The following TBC1D5 variants were observed in gnomAD, a reference collection of about 807,000 sequenced individuals.
TBC1D5 encodes TBC1 domain family member 5.
A neutral mutation model predicts 100.3 loss-of-function variants in TBC1D5; 75 were observed. The ratio of observed to expected loss-of-function variants is 0.75; its 90% confidence interval spans 0.62 to 0.91. TBC1D5 has a LOEUF of 0.91. Among genes scored for constraint, TBC1D5 ranks in the 40% least tolerant of loss-of-function variants. TBC1D5 has a pLI of 0.00. For synonymous variants in TBC1D5, 323 were observed against 325.6 expected, an observed-to-expected ratio of 0.99 and a Z score of 0.09; for missense variants, 910 against 942.4, an observed-to-expected ratio of 0.97 and a Z score of 0.45.
intron 3 of TBC1D5, among the ~76,000 whole-genome samples, chr3:17,471,561 A>T (rs2095372547): frequency 6.8e-6 from 1 of 147,642 alleles, no homozygotes; most frequent in African/African-American, 2.6e-5. Context: ...CAGCATTTTA[A>T]AAAATCAAAA....
At chr3:17,533,076 C>CACAG (rs769656414) in intron 2 of TBC1D5, among the ~76,000 whole-genome samples, 1 of 45,456 alleles carries the variant, frequency 2.2e-5, no homozygotes, top group Non-Finnish European at 4.4e-5. Flanking sequence ...CATACACAGA[C>CACAG]ACACACACAC....
intron 13 of TBC1D5, among the ~76,000 whole-genome samples, chr3:17,353,560 A>G (rs1192009576): frequency 1.3e-5 from 2 of 152,110 alleles, no homozygotes; most frequent in Non-Finnish European, 2.9e-5. Context: ...TCATCTATAA[A>G]TATAGACTAA....
At chr3:17,598,600 T>C (rs1048478121) in intron 2 of TBC1D5, among the ~76,000 whole-genome samples, 6 of 152,282 alleles carry the variant, frequency 3.9e-5, no homozygotes, top group Admixed American at 3.3e-4. Context: ...TTCTTCAAAC[T>C]GCAAAAAGAA....
chr3:17,158,401 A>ATAAT (rs2065769494), exon 22 of TBC1D5: 1 of 152,182 alleles, frequency 6.6e-6, no homozygotes, highest in South Asian at 2.1e-4. Flanking sequence ...ATCTGATAAT[A>ATAAT]TAATAAAAAG....
chr3:17,262,208 T>C (rs554486456), intron 15 of TBC1D5, among the ~76,000 whole-genome samples: 5 of 152,330 alleles, frequency 3.3e-5, no homozygotes, highest in African/African-American at 1.2e-4. Context: ...CTAGGTTATA[T>C]GATACAGCTC....
chr3:17,284,124 G>GCACA lies in TBC1D5; in HGVS notation c.1245+7770_1245+7771insTGTG, dbSNP rs1491387531. ...CACACACACACACACACACACACAC[G>GCACA]TATTTTTAATTTAGACAGAGTCTTG... On this transcript the variant is annotated intron_variant, in intron 15 of 21. Transcript: ENST00000253692. 3.8e-3 allele frequency among the ~76,000 whole-genome samples: 516 copies of GCACA among 134,114 alleles called. 5 individuals are homozygous for GCACA. The highest frequency in any genetic ancestry group is 5.7e-3 in the Non-Finnish European group (363 of 63,924). 88.0% of individuals were successfully genotyped at this position (134,114 alleles called of 152,430 possible). A position where few individuals can be genotyped will look rare whatever the true frequency, so the allele number is the denominator to read the frequency against.
Position 17,570,008 on chromosome 3 carries a change from T to G in TBC1D5, c.-36+53841A>C, listed in dbSNP as rs200427743. On this transcript the variant is annotated intron_variant, in intron 2 of 21. Coordinates refer to ENST00000253692, the Ensembl canonical transcript of TBC1D5. ...TTAAAAGGTACATCAAAAGTGTTTT[T>G]TACAGGTACTAGAAAGTCAGAGGTT... Among the ~76,000 whole-genome samples, 10 of 151,990 alleles carry G rather than the reference T, an allele frequency of 6.6e-5. No individual in the cohort carries two copies. In the East Asian group the frequency reaches 1.9e-3, roughly 29 times the overall value.
chr3:17,353,624 A>G (rs529074303), intron 13 of TBC1D5, among the ~76,000 whole-genome samples: 1 of 152,156 alleles, frequency 6.6e-6, no homozygotes, highest in Non-Finnish European at 1.5e-5. Flanking sequence ...TCTTTACTCT[A>G]ATTTTTGTTT....
At chr3:17,424,665 C>T (rs948918748) in intron 4 of TBC1D5, among the ~76,000 whole-genome samples, 1 of 152,098 alleles carries the variant, frequency 6.6e-6, no homozygotes, top group Non-Finnish European at 1.5e-5. Context: ...TGGACTATTA[C>T]TCAAGCATCA....
chr3:17,313,229 T>A lies in TBC1D5; in HGVS notation c.996-5095A>T, dbSNP rs531198383. 7.2e-5 allele frequency among the ~76,000 whole-genome samples: 11 copies of A among 152,282 alleles called. No individual in the cohort carries two copies. The South Asian group carries it at 1.7e-3, about 23-fold the overall frequency. On this transcript the variant is annotated intron_variant, in intron 13 of 21. Coordinates refer to ENST00000253692, the Ensembl canonical transcript of TBC1D5. ...GAAGTAACCTCTCTACCCTATCACTTACTTGGGTTCCATCAAAAGTAAGCT... is the reference window on the plus strand; with the variant it reads ...GAAGTAACCTCTCTACCCTATCACTAACTTGGGTTCCATCAAAAGTAAGCT...
chr3:17,324,178 G>C (rs1256560602), intron 13 of TBC1D5, among the ~76,000 whole-genome samples: 1 of 152,158 alleles, frequency 6.6e-6, no homozygotes, highest in African/African-American at 2.4e-5. Flanking sequence ...ACTCAAAATG[G>C]ATAACAGGCC....
intron 4 of TBC1D5, among the ~76,000 whole-genome samples, chr3:17,413,510 A>G (rs1315132818): frequency 6.6e-6 from 1 of 151,956 alleles, no homozygotes; most frequent in East Asian, 1.9e-4. Flanking sequence ...GAGATTATCT[A>G]TTTGTAATTA....
At chr3:17,719,745 T>G (rs2075539835) in intron 1 of TBC1D5, among the ~76,000 whole-genome samples, 1 of 152,180 alleles carries the variant, frequency 6.6e-6, no homozygotes, top group Non-Finnish European at 1.5e-5. Context: ...CCTATAATTT[T>G]TCACATAGTA....
chr3:17,705,391 G>C (rs1168955267), intron 1 of TBC1D5, among the ~76,000 whole-genome samples: 1 of 137,852 alleles, frequency 7.3e-6, no homozygotes, highest in Non-Finnish European at 1.6e-5. Context: ...GCCGGGCGGA[G>C]ATGCTCCTCA....
At chr3:17,521,667 A>C (rs761999030) in intron 2 of TBC1D5, among the ~76,000 whole-genome samples, 1 of 152,094 alleles carries the variant, frequency 6.6e-6, no homozygotes, top group Non-Finnish European at 1.5e-5. Flanking sequence ...TGGGGGGGGA[A>C]ATCCAAAGAA....
intron 15 of TBC1D5, among the ~76,000 whole-genome samples, chr3:17,269,831 C>A (rs974782817): frequency 1.3e-5 from 2 of 152,054 alleles, no homozygotes; most frequent in African/African-American, 4.8e-5. Context: ...AGTTTCATTC[C>A]TTTTTATGGC....
At chr3:17,627,184 C>T (rs576010777) in intron 1 of TBC1D5, among the ~76,000 whole-genome samples, 19 of 151,984 alleles carry the variant, frequency 1.3e-4, no homozygotes, top group Non-Finnish European at 2.1e-4. Context: ...GAGAACAAGA[C>T]TAGGAATTCT....
At chr3:17,201,000 T>A (rs2071395104) in intron 18 of TBC1D5, among the ~76,000 whole-genome samples, 1 of 152,210 alleles carries the variant, frequency 6.6e-6, no homozygotes, top group African/African-American at 2.4e-5. Flanking sequence ...GTATTAATAT[T>A]CTTATGGTCA....
chr3:17,562,758 G>A (rs970768007), intron 2 of TBC1D5, among the ~76,000 whole-genome samples: 1 of 152,126 alleles, frequency 6.6e-6, no homozygotes, highest in African/African-American at 2.4e-5. Flanking sequence ...CATATTCCTG[G>A]ATGGGAATGC....
Sources: gnomAD v4.1 joint callset for allele counts (sites outside exome capture counted in the v4.1 genomes callset) on GRCh38, gnomAD v4.1.1 for gene constraint, MANE v1.5 for transcripts, NCBI Gene and HGNC (gene_info 2026-07-23, HGNC 2026-07-21) for gene names.